Variants in MCF2L2 observed in about 807,000 individuals in gnomAD.
MCF2L2 encodes the protein MCF.2 cell line derived transforming sequence-like 2.
In MCF2L2, 102 loss-of-function variants were observed where a neutral mutation model predicts 150.2. That is an observed-to-expected ratio of 0.68 (90% CI 0.58 to 0.80). MCF2L2 has a LOEUF of 0.80. Ranked by LOEUF, MCF2L2 falls within the 30% of genes least tolerant of loss-of-function variation. MCF2L2 has a pLI of 0.00. For missense variants in MCF2L2, 1,256 were observed against 1,372.8 expected, an observed-to-expected ratio of 0.91 and a Z score of 1.34; for synonymous variants, 465 against 491.3, an observed-to-expected ratio of 0.95 and a Z score of 0.71.
chr3:183,270,807 A>G lies in MCF2L2; in HGVS notation c.1862+6065T>C. 6.2e-7 allele frequency: 1 copy of G among 1,614,066 alleles called. No individual in the cohort carries two copies. Among genetic ancestry groups the G allele is most frequent in the Non-Finnish European group, 8.5e-7 (1 of 1,179,996 alleles). ...TCTCCAGGACCTTTGGAAGAATGCT[A>G]CAGATCCTAAAGTAAAAACCATTTC... On this transcript the variant is annotated intron_variant, in intron 15 of 29. Coordinates refer to ENST00000328913, the MANE Select transcript of MCF2L2 (RefSeq NM_015078.4). The surrounding 1 kb of genome is among the most constrained non-coding windows in gnomAD (Gnocchi z 4.5).
At position 183,179,479 on chromosome 3, in the gene MCF2L2, C is replaced by A. The variant is rs758146515; in HGVS notation, c.3246G>T (p.Glu1082Asp). ...GCCGGCCCGTGGACGCCCCAGCGCG[C>A]TCCTCCTCGGTGCTGCGGGTCGCCC... is the stretch of plus-strand genomic sequence containing the variant. The part of the protein sequence containing the change: ...EETATRSTEE[E>D]RAGASTGRLA... The change falls in exon 30 of 30, where the codon GAG becomes GAT. Residue 1082 changes from glutamate (E) to aspartate (D), a missense_variant. Transcript: ENST00000328913. This position sits in a 1 kb window ranked among gnomAD's most constrained non-coding sequence, Gnocchi z 4.2. The A allele has an allele frequency of 6.2e-7, 1 of 1,606,098 alleles. No individual in the cohort carries two copies. The highest frequency in any genetic ancestry group is 2.2e-5 in the East Asian group (1 of 44,702).
At chr3:183,275,737 CTGAG>C (rs1278463556) in intron 15 of MCF2L2, among the ~76,000 whole-genome samples, 2 of 152,176 alleles carry the variant, frequency 1.3e-5, no homozygotes, top group Admixed American at 6.5e-5. Context: ...CCTCAGTCTC[CTGAG>C]TAACTGAGAC....
At chr3:183,421,063 C>T (rs567332740) in intron 1 of MCF2L2, among the ~76,000 whole-genome samples, 1 of 152,186 alleles carries the variant, frequency 6.6e-6, no homozygotes. Context: ...ATTAAAGTTT[C>T]TTTGTATGTG....
chr3:183,395,782 G>A (rs1159027614), intron 1 of MCF2L2, among the ~76,000 whole-genome samples: 12 of 152,044 alleles, frequency 7.9e-5, no homozygotes, highest in Middle Eastern at 3.4e-3. Flanking sequence ...AGCCAGTGTC[G>A]TGGCACGTGC....
intron 13 of MCF2L2, among the ~76,000 whole-genome samples, chr3:183,289,475 A>T (rs1273064107): frequency 3.3e-5 from 5 of 152,176 alleles, no homozygotes; most frequent in African/African-American, 1.2e-4. Context: ...ACCATATGAA[A>T]CATTAAACTA....
chr3:183,406,903 C>A (rs1715072098), intron 1 of MCF2L2, among the ~76,000 whole-genome samples: 1 of 152,150 alleles, frequency 6.6e-6, no homozygotes, highest in African/African-American at 2.4e-5. Flanking sequence ...AATCAAATTT[C>A]TCTTATGAAC....
chr3:183,340,713 T>C (rs1730661827), intron 4 of MCF2L2, among the ~76,000 whole-genome samples: 1 of 151,988 alleles, frequency 6.6e-6, no homozygotes, highest in African/African-American at 2.4e-5. Flanking sequence ...GAGGCTGAGG[T>C]GGGCAGATCA....
At position 183,272,315 on chromosome 3, in the gene MCF2L2, A is replaced by G. The variant is rs932943264; in HGVS notation, c.1862+4557T>C. 4.0e-6 allele frequency: 4 copies of G among 1,000,210 alleles called. No homozygotes were observed. The African/African-American group carries it at 7.0e-5, about 17-fold the overall frequency. 62.0% of individuals were successfully genotyped at this position (1,000,210 alleles called of 1,614,324 possible). A position where few individuals can be genotyped will look rare whatever the true frequency, so the allele number is the denominator to read the frequency against. ...TGCTAGGGAGATTATATGAAGGCCA[A>G]AATAATGACTTCAGCAAGAGTGACT... On this transcript the variant is annotated intron_variant, in intron 15 of 29. Coordinates refer to ENST00000328913, the MANE Select transcript of MCF2L2 (RefSeq NM_015078.4).
intron 5 of MCF2L2, among the ~76,000 whole-genome samples, chr3:183,331,883 A>G (rs1730285795): frequency 6.6e-6 from 1 of 152,178 alleles, no homozygotes; most frequent in Admixed American, 6.5e-5. Flanking sequence ...AAACAAACAA[A>G]AACCATTTAC....
chr3:183,297,409 C>G (rs1369371929), intron 11 of MCF2L2: 1 of 461,152 alleles, frequency 2.2e-6, no homozygotes, highest in African/African-American at 2.0e-5. Context: ...CAAAATGAGT[C>G]TCTTCCATTA....
intron 27 of MCF2L2, among the ~76,000 whole-genome samples, chr3:183,180,716 G>A (rs1721490494): frequency 6.6e-6 from 1 of 152,206 alleles, no homozygotes; most frequent in Non-Finnish European, 1.5e-5. Context: ...GACACTGTGG[G>A]GAACAGCAGC....
chr3:183,403,035 C>A (rs1714854338), intron 1 of MCF2L2, among the ~76,000 whole-genome samples: 1 of 152,044 alleles, frequency 6.6e-6, no homozygotes, highest in African/African-American at 2.4e-5. Flanking sequence ...AATCCCAGCA[C>A]TTTGGGAGGC....
At chr3:183,396,228 T>C (rs1714449911) in intron 1 of MCF2L2, among the ~76,000 whole-genome samples, 2 of 151,984 alleles carry the variant, frequency 1.3e-5, no homozygotes, top group Admixed American at 1.3e-4. Flanking sequence ...TGTGACCGCA[T>C]CCAAATGCTA....
intron 25 of MCF2L2, among the ~76,000 whole-genome samples, chr3:183,199,783 C>G (rs1193388700): frequency 7.8e-6 from 1 of 128,162 alleles, no homozygotes; most frequent in Admixed American, 8.3e-5. Flanking sequence ...CCCCTCCCCC[C>G]ACCCCACCAC....
chr3:183,311,806 T>A (rs1486535967), intron 7 of MCF2L2, 34 bp from the exon 8 acceptor site: 1 of 1,593,436 alleles, frequency 6.3e-7, no homozygotes, highest in Admixed American at 1.8e-5. Context: ...TTAGAACGAA[T>A]TAGAAAAAAC....
intron 20 of MCF2L2, among the ~76,000 whole-genome samples, chr3:183,222,331 C>A (rs987525639): frequency 6.6e-6 from 1 of 152,082 alleles, no homozygotes; most frequent in Admixed American, 6.5e-5. Context: ...GTGGGCAGAT[C>A]ACGAGGTCAG....
At chr3:183,239,477 A>C (rs1723908120) in intron 15 of MCF2L2, among the ~76,000 whole-genome samples, 1 of 151,324 alleles carries the variant, frequency 6.6e-6, no homozygotes, top group African/African-American at 2.4e-5. Flanking sequence ...AAAAAAATGC[A>C]ATCCTTTTTA....
At chr3:183,391,880 G>C (rs1015888652) in intron 1 of MCF2L2, among the ~76,000 whole-genome samples, 1 of 151,458 alleles carries the variant, frequency 6.6e-6, no homozygotes, top group Non-Finnish European at 1.5e-5. Flanking sequence ...TCATACCTGA[G>C]CATTTTTTTG....
intron 10 of MCF2L2, among the ~76,000 whole-genome samples, chr3:183,308,080 T>C (rs1417598005): frequency 6.6e-6 from 1 of 152,256 alleles, no homozygotes; most frequent in Non-Finnish European, 1.5e-5. Flanking sequence ...TTTTCTTTTT[T>C]ATATCACTTG....
Sources: gnomAD v4.1 joint callset for allele counts (sites outside exome capture counted in the v4.1 genomes callset) on GRCh38, gnomAD v4.1.1 for gene constraint, Gnocchi (gnomAD v3.1) non-coding constraint, MANE v1.5 for transcripts, NCBI Gene and HGNC (gene_info 2026-07-23, HGNC 2026-07-21) for gene names.